The following HEXD variants were observed in gnomAD, a reference collection of about 807,000 sequenced individuals.
HEXD encodes the protein N-acetyl-beta-galactosaminidase.
HEXD carries 47 observed loss-of-function variants against 54.2 expected under a neutral mutation model. The ratio of observed to expected loss-of-function variants is 0.87; its 90% CI spans 0.69 to 1.11. The LOEUF is 1.11. Among genes scored for constraint, HEXD ranks in the 50% least tolerant of loss-of-function variants. The pLI is 0.00. For missense variants in HEXD, 576 were observed against 649.2 expected (o/e 0.89, Z 1.23); for synonymous variants, 293 against 287.6 (o/e 1.02, Z -0.19).
At position 82,418,457 on chromosome 17, in the gene HEXD, T is replaced by C; in HGVS notation, c.-335T>C. 1 of 1,474,846 alleles carries C rather than the reference T, an allele frequency of 6.8e-7. No individual in the cohort carries two copies. Among genetic ancestry groups the C allele is most frequent in the South Asian group, 1.3e-5 (1 of 78,660 alleles). The allele number at this position is 1,474,846 out of a possible 1,614,324, so 91.4% of individuals were successfully genotyped here. A position where few individuals can be genotyped will look rare whatever the true frequency, so the allele number is the denominator to read the frequency against. ...GGCCGCTCCGTTGCCCTCGGGCGCC[T>C]TGGTTGCGGCCCTCCGCTGAGGAGC... On this transcript the variant is annotated 5_prime_UTR_variant, in exon 1 of 13. Coordinates refer to ENST00000327949, the MANE Select transcript of HEXD (RefSeq NM_001330542.2).
chr17:82,426,553 G>A (rs1053599209), intron 3 of HEXD: 1 of 152,188 alleles, frequency 6.6e-6, no homozygotes, highest in African/African-American at 2.4e-5. Flanking sequence ...ACTCCAACCT[G>A]GGCAACAGAG....
At chr17:82,441,915 G>T (rs773064226) in intron 12 of HEXD, 26 bp downstream of exon 12, 4 of 1,601,180 alleles carry the variant, frequency 2.5e-6, no homozygotes, top group South Asian at 2.2e-5. Flanking sequence ...CTTATAGGCC[G>T]TGCAGCCATG....
chr17:82,428,482 G>A (rs1398858185), intron 3 of HEXD, 76 bp from the exon 4 acceptor site: 1 of 1,283,030 alleles, frequency 7.8e-7, no homozygotes, highest in East Asian at 2.3e-5. Flanking sequence ...GGCCTGATGA[G>A]GAAGGGCTGG....
Position 82,428,544 on chromosome 17 carries a change from T to G in HEXD, c.195-14T>G. On this transcript the variant is annotated splice_polypyrimidine_tract_variant and intron_variant, in intron 3 of 12. Transcript: ENST00000327949. ...GCTCACATGACCCTCTCTCTATGAA[T>G]TTTGTCTCTCCAGCCCCTCTGAAAT... is the stretch of plus-strand genomic sequence containing the variant. 1.2e-6 allele frequency: 2 copies of G among 1,611,350 alleles called. No homozygotes were observed. The highest frequency in any genetic ancestry group is 1.7e-6 in the Non-Finnish European group (2 of 1,177,716).
chr17:82,428,468 C>A (rs1555616574), intron 3 of HEXD, 90 bp from the exon 4 acceptor site: 1 of 1,094,378 alleles, frequency 9.1e-7, no homozygotes, highest in Non-Finnish European at 1.4e-6. Flanking sequence ...GGAGAGCCCC[C>A]CAGGGCCTGA....
At chr17:82,423,433 C>G (rs1441272917) in intron 2 of HEXD, 3 of 152,408 alleles carry the variant, frequency 2.0e-5, no homozygotes, top group African/African-American at 7.2e-5. Context: ...TGGAGGATCA[C>G]TTGAGCCCAG....
At position 82,442,444 on chromosome 17, in the gene HEXD, T is replaced by C. The variant is rs2054022212; in HGVS notation, c.*60T>C. ...GCTGGGGGGGCTCTGCACTGCCAAA[T>C]GGCCTGGGCAATACGGGCCCACGTG... On this transcript the variant is annotated 3_prime_UTR_variant, in exon 13 of 13. Coordinates refer to ENST00000327949, the MANE Select transcript of HEXD (RefSeq NM_001330542.2). The surrounding 1 kb of genome is among the most constrained non-coding windows in gnomAD (Gnocchi z 6.8). The C allele has an allele frequency of 6.2e-7, 1 of 1,610,146 alleles. No individual in the cohort carries two copies. Among genetic ancestry groups the C allele is most frequent in the African/African-American group, 1.3e-5 (1 of 74,974 alleles).
chr17:82,419,231 T>C (rs931795386), intron 1 of HEXD, among the ~76,000 whole-genome samples: 3 of 152,238 alleles, frequency 2.0e-5, no homozygotes, highest in African/African-American at 7.2e-5. Flanking sequence ...TTCAAAATTA[T>C]CAGCTTACCT....
At chr17:82,439,099 C>A (rs762697609) in intron 8 of HEXD, among the ~76,000 whole-genome samples, 14 of 152,248 alleles carry the variant, frequency 9.2e-5, no homozygotes, top group Non-Finnish European at 1.3e-4. Flanking sequence ...CAAGGCCCCC[C>A]AGCCCTCGCT....
intron 3 of HEXD, among the ~76,000 whole-genome samples, chr17:82,425,081 C>T (rs2053365777): frequency 7.0e-6 from 1 of 143,014 alleles, no homozygotes; most frequent in African/African-American, 2.7e-5. Context: ...CTGGAGAAGG[C>T]TGGAGGAGGC....
At chr17:82,436,838 C>G (rs2053783383) in intron 7 of HEXD, 100 bp downstream of exon 7, 1 of 1,136,030 alleles carries the variant, frequency 8.8e-7, no homozygotes, top group Non-Finnish European at 1.3e-6. Context: ...CAGCCTGGAG[C>G]CTGCACGGGT....
chr17:82,422,962 C>T (rs2053280558), intron 2 of HEXD, among the ~76,000 whole-genome samples: 2 of 151,768 alleles, frequency 1.3e-5, no homozygotes, highest in African/African-American at 4.8e-5. Context: ...GAGACTGAGG[C>T]AGGAGAATTG....
chr17:82,433,128 A>ATATATAT (rs71168109), intron 4 of HEXD, among the ~76,000 whole-genome samples: 13 of 13,068 alleles, frequency 9.9e-4, no homozygotes, highest in Non-Finnish European at 1.3e-3. Flanking sequence ...ATATATATAT[A>ATATATAT]TTTTTTTTTT....
At chr17:82,426,697 A>G (rs9915149) in intron 3 of HEXD, 43,317 of 152,188 alleles carry the variant, frequency 0.28, 6,761 homozygotes, top group East Asian at 0.66. Flanking sequence ...TTTAAAAATT[A>G]TAAGACTTGG....
chr17:82,437,052 G>A, intron 7 of HEXD, 116 bp from the exon 8 acceptor site: 1 of 910,558 alleles, frequency 1.1e-6, no homozygotes, highest in East Asian at 2.5e-5. Context: ...TGAGACCCGG[G>A]CCTGGCTGTC....
chr17:82,428,606 G>C lies in HEXD; in HGVS notation c.243G>C (p.Leu81=), dbSNP rs1418502459. 1.9e-6 allele frequency: 3 copies of C among 1,613,360 alleles called. No individual in the cohort carries two copies. Among genetic ancestry groups the C allele is most frequent in the African/African-American group, 1.3e-5 (1 of 74,916 alleles). ...TGCATCTGGCTGGACTCAATGAGCT[G>C]GAGGTGATTCCCTTGGTGCAGACAT... ...EILHLAGLNE[L]EVIPLVQTFG... Residue 81 remains leucine (L), a synonymous_variant, in exon 4 of 13, where the codon CTG becomes CTC. Coordinates refer to ENST00000327949, the MANE Select transcript of HEXD (RefSeq NM_001330542.2).
rs1013540120 is a variant in HEXD, at chr17:82,441,677, T to A, written c.1164-123T>A. The A allele has an allele frequency of 8.5e-6, 7 of 819,766 alleles. No individual in the cohort carries two copies. In the African/African-American group the frequency reaches 1.2e-4, roughly 14 times the overall value. The allele number at this position is 819,766 out of a possible 1,614,324, so 50.8% of individuals were successfully genotyped here. A position where few individuals can be genotyped will look rare whatever the true frequency, so the allele number is the denominator to read the frequency against. On this transcript the variant is annotated intron_variant, in intron 11 of 12. Transcript: ENST00000327949. The stretch of plus-strand genomic sequence containing the variant: ...AGGCAGCCTCATCCTTCACAAAGAC[T>A]TTCTGGGGGACATAAGACTTAGAAA...
chr17:82,432,858 T>C (rs974646774), intron 4 of HEXD, among the ~76,000 whole-genome samples: 3 of 142,998 alleles, frequency 2.1e-5, no homozygotes, highest in Non-Finnish European at 3.1e-5. Context: ...GGTCAGGAGA[T>C]CGAGACCATC....
rs373845503 is a variant in HEXD, at chr17:82,442,208, G to A, written c.1285G>A (p.Glu429Lys). ...GGCACAGTGGAGCACCCTCGTGCAG[G>A]AGCTGGAGGCTGCCCTGCAGCTGGC... The part of the protein sequence containing the change: ...LLAQWSTLVQ[E>K]LEAALQLAFY... Residue 429 changes from glutamate (E) to lysine (K), a missense_variant, in exon 13 of 13, where the codon GAG becomes AAG. Physicochemically the swap from Glu to Lys is moderately conservative, Grantham distance 56. Coordinates refer to ENST00000327949, the MANE Select transcript of HEXD (RefSeq NM_001330542.2). The surrounding 1 kb of genome is among the most constrained non-coding windows in gnomAD (Gnocchi z 6.8). The A allele has an allele frequency of 6.9e-6, 11 of 1,603,680 alleles. No homozygotes were observed. The highest frequency in any genetic ancestry group is 9.3e-6 in the Non-Finnish European group (11 of 1,179,224).
Sources: allele counts gnomAD v4.1 joint callset (sites outside exome capture counted in the v4.1 genomes callset), GRCh38; gene constraint gnomAD v4.1.1; non-coding constraint Gnocchi (gnomAD v3.1); transcripts MANE v1.5; gene names NCBI Gene and HGNC (gene_info 2026-07-23, HGNC 2026-07-21).